The following KIAA1217 variants were observed in gnomAD, a reference collection of about 807,000 sequenced individuals.
The protein encoded by KIAA1217 is KIAA1217.
In KIAA1217, 88 loss-of-function variants were observed where a neutral mutation model predicts 163.9. That is an observed-to-expected ratio of 0.54 (90% CI 0.45 to 0.64). The LOEUF is 0.64. KIAA1217 is among the 30% of genes least tolerant of loss of function. KIAA1217 has a pLI of 0.00. For synonymous variants in KIAA1217, 903 were observed against 923.1 expected (o/e 0.98, Z 0.39); for missense variants, 2,372 against 2,475.0 (o/e 0.96, Z 0.88).
In KIAA1217 at chr10:23,982,529, T is replaced by TTCTCTCTCTCTCTC. The variant is rs59075123; in HGVS notation, c.-320-24657_-320-24644dup. ...TCCTCTGTATTGCTCTGTTTTTTGTTTCTCTCTCTCTCTCTCTCTCTCTCT... is the reference window on the plus strand; with the variant it reads ...TCCTCTGTATTGCTCTGTTTTTTGTTTCTCTCTCTCTCTCTCTCTCTCTCTCTCTCTCTCTCTCT... On this transcript the variant is annotated intron_variant, in intron 1 of 18. Transcript: ENST00000376462. Among the ~76,000 whole-genome samples the TTCTCTCTCTCTCTC allele has an allele frequency of 3.5e-3, 259 of 73,614 alleles. 27 individuals are homozygous for TTCTCTCTCTCTCTC. Among genetic ancestry groups the TTCTCTCTCTCTCTC allele is most frequent in the Middle Eastern group, 8.2e-3 (1 of 122 alleles). The allele number at this position is 73,614 out of a possible 152,430, so 48.3% of individuals were successfully genotyped here. A position where few individuals can be genotyped will look rare whatever the true frequency, so the allele number is the denominator to read the frequency against.
intron 2 of KIAA1217, among the ~76,000 whole-genome samples, chr10:24,353,894 A>T (rs1432717593): frequency 1.3e-5 from 2 of 152,202 alleles, no homozygotes; most frequent in Admixed American, 1.3e-4. Flanking sequence ...ATGTGACTAG[A>T]TATGAAAAAT....
At chr10:23,717,303 C>A (rs182271452) in intron 1 of KIAA1217, among the ~76,000 whole-genome samples, 1 of 152,022 alleles carries the variant, frequency 6.6e-6, no homozygotes, top group African/African-American at 2.4e-5. Context: ...AAGCTCATAG[C>A]GGGACTTATT....
At chr10:24,300,639 C>T (rs2132690880) in intron 2 of KIAA1217, among the ~76,000 whole-genome samples, 1 of 152,286 alleles carries the variant, frequency 6.6e-6, no homozygotes, top group South Asian at 2.1e-4. Flanking sequence ...ACGATCTCGA[C>T]TCACTACAGC....
intron 15 of KIAA1217, among the ~76,000 whole-genome samples, chr10:24,532,357 G>A (rs2073249668): frequency 6.6e-6 from 1 of 152,210 alleles, no homozygotes; most frequent in African/African-American, 2.4e-5. Flanking sequence ...ACAGAAAGAT[G>A]TTCAATGAGC....
intron 1 of KIAA1217, among the ~76,000 whole-genome samples, chr10:23,765,494 C>T (rs1202233974): frequency 6.6e-6 from 1 of 151,996 alleles, no homozygotes; most frequent in African/African-American, 2.4e-5. Context: ...TCTTTATCAC[C>T]CCTTTGCCAT....
At chr10:24,255,620 G>A in intron 2 of KIAA1217, 1 of 439,756 alleles carries the variant, frequency 2.3e-6, no homozygotes, top group Non-Finnish European at 4.6e-6. Context: ...CTGATTCTGG[G>A]GTTTCCCTGC....
At chr10:23,892,561 A>C (rs1409928103) in intron 1 of KIAA1217, among the ~76,000 whole-genome samples, 1 of 151,966 alleles carries the variant, frequency 6.6e-6, no homozygotes, top group East Asian at 1.9e-4. Flanking sequence ...CATAGAAATC[A>C]GCCTTTGAAT....
chr10:24,427,736 G>A (rs1343867993), intron 3 of KIAA1217, among the ~76,000 whole-genome samples: 2 of 152,202 alleles, frequency 1.3e-5, no homozygotes, highest in Non-Finnish European at 2.9e-5. Flanking sequence ...ATCTGGAGCA[G>A]CCAGCACTAA....
chr10:23,892,457 A>T (rs1841455480), intron 1 of KIAA1217, among the ~76,000 whole-genome samples: 1 of 151,896 alleles, frequency 6.6e-6, no homozygotes, highest in Non-Finnish European at 1.5e-5. Flanking sequence ...TTTGTGGTAC[A>T]TTTGGTTTGG....
chr10:23,717,269 T>C (rs1837626885), intron 1 of KIAA1217, among the ~76,000 whole-genome samples: 1 of 152,112 alleles, frequency 6.6e-6, no homozygotes, highest in Admixed American at 6.6e-5. Context: ...ATTCCGCTTT[T>C]AGATTTTTTT....
intron 2 of KIAA1217, among the ~76,000 whole-genome samples, chr10:24,380,563 A>G (rs2053157785): frequency 6.6e-6 from 1 of 152,068 alleles, no homozygotes; most frequent in African/African-American, 2.4e-5. Flanking sequence ...AATTGCTTGA[A>G]AACCGGAGGT....
At chr10:24,469,314 A>G (rs988483135) in intron 5 of KIAA1217, among the ~76,000 whole-genome samples, 1 of 151,878 alleles carries the variant, frequency 6.6e-6, no homozygotes, top group Non-Finnish European at 1.5e-5. Context: ...TTATAGAGAC[A>G]GGGTTTTGCC....
intron 12 of KIAA1217, 22 bp from the exon 13 acceptor site, chr10:24,524,301 C>A: frequency 1.3e-6 from 2 of 1,593,132 alleles, no homozygotes; most frequent in African/African-American, 1.3e-5. Flanking sequence ...GGGTTAATGC[C>A]GCTGTGCATG....
chr10:23,778,885 C>T (rs989468663), intron 1 of KIAA1217, among the ~76,000 whole-genome samples: 3 of 152,138 alleles, frequency 2.0e-5, no homozygotes, highest in African/African-American at 7.2e-5. Flanking sequence ...TAGATTCAGT[C>T]TCCCCTATAT....
chr10:24,429,208 A>G (rs1325343644), intron 3 of KIAA1217, among the ~76,000 whole-genome samples: 1 of 152,136 alleles, frequency 6.6e-6, no homozygotes, highest in Non-Finnish European at 1.5e-5. Context: ...TGCCTTTCTG[A>G]TACCTGATCC....
chr10:24,444,360 A>G (rs764365516), intron 5 of KIAA1217, among the ~76,000 whole-genome samples: 1 of 152,228 alleles, frequency 6.6e-6, no homozygotes, highest in Non-Finnish European at 1.5e-5. Context: ...TTAGAGCCCA[A>G]ATAAAAGACT....
intron 2 of KIAA1217, among the ~76,000 whole-genome samples, chr10:24,096,686 G>C (rs1010012313): frequency 6.6e-6 from 1 of 152,078 alleles, no homozygotes; most frequent in African/African-American, 2.4e-5. Flanking sequence ...CATGTGCTGT[G>C]TTCCTCACCT....
intron 1 of KIAA1217, among the ~76,000 whole-genome samples, chr10:23,763,859 A>G (rs915857998): frequency 1.3e-5 from 2 of 152,200 alleles, no homozygotes; most frequent in African/African-American, 4.8e-5. Flanking sequence ...TTGGCTTCCA[A>G]AAAAACCCAC....
At chr10:23,978,936 T>A (rs562939900) in intron 1 of KIAA1217, among the ~76,000 whole-genome samples, 1 of 152,258 alleles carries the variant, frequency 6.6e-6, no homozygotes. Context: ...AAGAGTAGTC[T>A]GAATGTATTT....
Sources: gnomAD v4.1 joint callset for allele counts (sites outside exome capture counted in the v4.1 genomes callset) on GRCh38, gnomAD v4.1.1 for gene constraint, MANE v1.5 for transcripts, NCBI Gene and HGNC (gene_info 2026-07-23, HGNC 2026-07-21) for gene names.